The following LHFPL6 variants were observed in gnomAD, a reference collection of about 807,000 sequenced individuals.
The protein encoded by LHFPL6 is LHFPL tetraspan subfamily member 6, also known as LHFPL tetraspan subfamily member 6 protein.
Under a neutral mutation model 20.6 loss-of-function variants are expected in LHFPL6, and 9 were observed. That is an observed-to-expected ratio of 0.44 (90% confidence interval 0.26 to 0.76). The LOEUF is 0.76. Ranked by LOEUF, LHFPL6 falls within the 30% of genes least tolerant of loss-of-function variation. The pLI, the probability that LHFPL6 is intolerant of heterozygous loss-of-function variation, is 0.20. For missense variants in LHFPL6, 218 were observed against 253.5 expected, an observed-to-expected ratio of 0.86 and a Z score of 0.95; for synonymous variants, 105 against 98.7, an observed-to-expected ratio of 1.06 and a Z score of -0.38.
intron 2 of LHFPL6, among the ~76,000 whole-genome samples, chr13:39,503,928 T>C (rs986272346): frequency 8.5e-5 from 13 of 152,158 alleles, no homozygotes; most frequent in African/African-American, 3.1e-4. Flanking sequence ...AGTCTAACAA[T>C]TAAACATGCT....
At chr13:39,545,448 C>A (rs1035811549) in intron 2 of LHFPL6, among the ~76,000 whole-genome samples, 1 of 151,958 alleles carries the variant, frequency 6.6e-6, no homozygotes, top group Admixed American at 6.6e-5. Context: ...GCTCTGAAGC[C>A]ACTGAAGGCA....
At chr13:39,475,952 T>C (rs1593327592) in intron 2 of LHFPL6, among the ~76,000 whole-genome samples, 2 of 151,992 alleles carry the variant, frequency 1.3e-5, no homozygotes, top group Admixed American at 1.3e-4. Flanking sequence ...AGCTCCACAA[T>C]GAAGGGAATA....
At position 39,590,606 on chromosome 13, in the gene LHFPL6, G is replaced by A. The variant is rs553065536; in HGVS notation, c.385+10226C>T. 3.3e-4 allele frequency among the ~76,000 whole-genome samples: 51 copies of A among 152,288 alleles called. No individual in the cohort carries two copies. The South Asian group carries it at 0.01, about 31-fold the overall frequency. ...ACAATAAGACACCCTTGCCAACCTG[G>A]AGAGTTCAAATACAGAGTGTGTAAC... On this transcript the variant is annotated intron_variant, in intron 2 of 3. Transcript: ENST00000379589.
chr13:39,600,837 A>G lies in LHFPL6; in HGVS notation c.380T>C (p.Leu127Pro). The change falls in exon 2 of 4, where the codon CTT (leucine) becomes CCT (proline). Residue 127 changes from leucine to proline, a missense_variant. Transcript: ENST00000379589. ...AAGCTCAGCAAGTCACTTACCCCCA[A>G]GAAACTGAATTCCTCCAGCCACTCT... ...VGRVAGGIQF[L>P]GGLLIGAGCA... is the part of the protein sequence containing the mutation. The G allele has an allele frequency of 6.7e-7, 1 of 1,487,220 alleles. No individual in the cohort carries two copies. The highest frequency in any genetic ancestry group is 9.0e-7 in the Non-Finnish European group (1 of 1,115,160). 92.1% of individuals were successfully genotyped at this position (1,487,220 alleles called of 1,614,324 possible). A position where few individuals can be genotyped will look rare whatever the true frequency, so the allele number is the denominator to read the frequency against.
intron 2 of LHFPL6, among the ~76,000 whole-genome samples, chr13:39,533,287 G>C (rs1339569432): frequency 6.6e-6 from 1 of 152,208 alleles, no homozygotes; most frequent in East Asian, 1.9e-4. Flanking sequence ...GCTTAAATGA[G>C]ACAATAGTTT....
intron 2 of LHFPL6, among the ~76,000 whole-genome samples, chr13:39,409,565 G>T (rs1388974349): frequency 2.0e-5 from 3 of 152,228 alleles, no homozygotes; most frequent in East Asian, 3.9e-4. Context: ...ATCCCTGAAG[G>T]GTTTCAGGGA....
At chr13:39,449,195 A>G (rs1872374941) in intron 2 of LHFPL6, among the ~76,000 whole-genome samples, 1 of 152,248 alleles carries the variant, frequency 6.6e-6, no homozygotes, top group South Asian at 2.1e-4. Flanking sequence ...CTGAATGACC[A>G]GTGATATTCC....
intron 2 of LHFPL6, among the ~76,000 whole-genome samples, chr13:39,541,518 C>G (rs1285550468): frequency 6.6e-6 from 1 of 152,144 alleles, no homozygotes; most frequent in African/African-American, 2.4e-5. Context: ...GCCTCATCCT[C>G]TAACTCTGCT....
At chr13:39,352,738 G>A (rs1288132926) in intron 3 of LHFPL6, among the ~76,000 whole-genome samples, 1 of 150,840 alleles carries the variant, frequency 6.6e-6, no homozygotes, top group Admixed American at 6.6e-5. Context: ...GGTAAAAAAG[G>A]ATACATATTA....
intron 2 of LHFPL6, among the ~76,000 whole-genome samples, chr13:39,430,356 G>A (rs73460944): frequency 0.028 from 4,285 of 152,254 alleles, 174 homozygotes; most frequent in African/African-American, 0.09. Context: ...GGTTTTTCCA[G>A]CTCTAGAGCT....
chr13:39,562,591 CATATAT>C (rs1207531564), intron 2 of LHFPL6, among the ~76,000 whole-genome samples: 20 of 65,902 alleles, frequency 3.0e-4, no homozygotes, highest in Admixed American at 2.3e-3. Context: ...CACATATATA[CATATAT>C]ACACATATAC....
At chr13:39,396,496 C>T (rs984603052) in intron 2 of LHFPL6, among the ~76,000 whole-genome samples, 2 of 151,956 alleles carry the variant, frequency 1.3e-5, no homozygotes, top group African/African-American at 4.8e-5. Flanking sequence ...GACTGGTGTC[C>T]TTATAAGAAG....
chr13:39,560,504 C>CTCT (rs1555268151), intron 2 of LHFPL6, among the ~76,000 whole-genome samples: 1 of 118,178 alleles, frequency 8.5e-6, no homozygotes, highest in African/African-American at 3.1e-5. Flanking sequence ...TGCAAATTCT[C>CTCT]TTTTTTTTTT....
chr13:39,585,287 C>T (rs1416018223), intron 2 of LHFPL6, among the ~76,000 whole-genome samples: 2 of 152,154 alleles, frequency 1.3e-5, no homozygotes, highest in Non-Finnish European at 2.9e-5. Flanking sequence ...ATCACAGAAT[C>T]ATAACATTTA....
At chr13:39,506,871 C>T (rs2138469739) in intron 2 of LHFPL6, among the ~76,000 whole-genome samples, 1 of 152,282 alleles carries the variant, frequency 6.6e-6, no homozygotes, top group South Asian at 2.1e-4. Flanking sequence ...ATGACATTCC[C>T]TTATTAAATT....
chr13:39,559,245 A>C (rs1312000943), intron 2 of LHFPL6, among the ~76,000 whole-genome samples: 1 of 152,190 alleles, frequency 6.6e-6, no homozygotes, highest in East Asian at 1.9e-4. Context: ...TTCAGCAGAC[A>C]TGGGAGAGGC....
At position 39,577,925 on chromosome 13, in the gene LHFPL6, G is replaced by A. The variant is rs771783067; in HGVS notation, c.385+22907C>T. Among the ~76,000 whole-genome samples the A allele has an allele frequency of 3.3e-5, 5 of 151,902 alleles. No individual in the cohort carries two copies. The South Asian group carries it at 6.2e-4, about 19-fold the overall frequency. ...CAAAGTGCTGGGATTACAAGCATAA[G>A]CCTGTAATCCCATGAGCCCAGCCCC... On this transcript the variant is annotated intron_variant, in intron 2 of 3. Coordinates refer to ENST00000379589, the MANE Select transcript of LHFPL6 (RefSeq NM_005780.3).
At chr13:39,502,044 T>C (rs529475823) in intron 2 of LHFPL6, among the ~76,000 whole-genome samples, 1 of 152,308 alleles carries the variant, frequency 6.6e-6, no homozygotes, top group African/African-American at 2.4e-5. Flanking sequence ...CACTCTCTTG[T>C]GGATTCCTTA....
intron 2 of LHFPL6, among the ~76,000 whole-genome samples, chr13:39,493,185 T>C (rs1401771435): frequency 6.7e-6 from 1 of 149,442 alleles, no homozygotes; most frequent in Non-Finnish European, 1.5e-5. Flanking sequence ...TATAAGAAAA[T>C]AGGCCAGGCA....
Sources: gnomAD v4.1 joint callset for allele counts (sites outside exome capture counted in the v4.1 genomes callset) on GRCh38, gnomAD v4.1.1 for gene constraint, MANE v1.5 for transcripts, NCBI Gene and HGNC (gene_info 2026-07-23, HGNC 2026-07-21) for gene names.